Variants in ERC2 observed in about 807,000 individuals in gnomAD.
ERC2 encodes ERC protein 2.
Under a neutral mutation model 114.8 loss-of-function variants are expected in ERC2, and 42 were observed. The ratio of observed to expected loss-of-function variants is 0.37; its 90% CI spans 0.29 to 0.47. The LOEUF (loss-of-function observed/expected upper bound fraction) is 0.47, where lower values mean the gene tolerates loss of function less well. Ranked by LOEUF, ERC2 falls within the 20% of genes least tolerant of loss-of-function variation. The probability of loss-of-function intolerance (pLI) is 0.99; values close to 1 mark genes in which losing one functional copy is unlikely to be tolerated. For missense variants in ERC2, 939 were observed against 1,150.7 expected (o/e 0.82, Z 2.66); for synonymous variants, 454 against 425.5 (o/e 1.07, Z -0.82).
chr3:56,067,045 T>C (rs1485781505), intron 7 of ERC2, among the ~76,000 whole-genome samples: 2 of 152,248 alleles, frequency 1.3e-5, no homozygotes, highest in African/African-American at 4.8e-5. Flanking sequence ...TGGGCTCTTT[T>C]ATGGTTCCAG....
rs2049486408 is a variant in ERC2 at position 56,216,529 on chromosome 3, A to G, written c.1075-43009T>C. 2.0e-5 allele frequency among the ~76,000 whole-genome samples: 3 copies of G among 152,226 alleles called. No homozygotes were observed. In the South Asian group the frequency reaches 6.2e-4, roughly 31 times the overall value. Reference sequence around the variant, plus strand: ...GCTTACCAACCAAAAACAGTCCAGAACCAGACAGATTCACAGCCGAATTCT... The same window carrying G: ...GCTTACCAACCAAAAACAGTCCAGAGCCAGACAGATTCACAGCCGAATTCT... On this transcript the variant is annotated intron_variant, in intron 3 of 17. Transcript: ENST00000288221.
chr3:55,995,933 T>C (rs2071473780), intron 10 of ERC2, among the ~76,000 whole-genome samples: 2 of 152,204 alleles, frequency 1.3e-5, no homozygotes, highest in African/African-American at 2.4e-5. Context: ...ACTTTATTTG[T>C]ATTTAGGCAA....
intron 3 of ERC2, among the ~76,000 whole-genome samples, chr3:56,236,494 A>ATTTT (rs758530613): frequency 1.8e-4 from 28 of 152,232 alleles, no homozygotes; most frequent in Non-Finnish European, 3.1e-4. Context: ...AGATTGACTT[A>ATTTT]TTTGTAGAGG....
chr3:56,173,708 C>T (rs2082811213), intron 3 of ERC2, 188 bp from the exon 4 acceptor site: 2 of 555,814 alleles, frequency 3.6e-6, no homozygotes, highest in Non-Finnish European at 3.1e-6. Context: ...CGGTGAAAAG[C>T]TCCTGGCACA....
chr3:56,446,629 CT>C (rs71099637), intron 1 of ERC2, among the ~76,000 whole-genome samples: 10 of 132,086 alleles, frequency 7.6e-5, no homozygotes, highest in Admixed American at 1.6e-4. Context: ...TTTTTTCTTT[CT>C]TTTTTTTTTT....
At chr3:55,601,280 A>G (rs2058390958) in intron 17 of ERC2, among the ~76,000 whole-genome samples, 2 of 152,224 alleles carry the variant, frequency 1.3e-5, no homozygotes, top group African/African-American at 4.8e-5. Context: ...ATCTAGGCAG[A>G]ACTGGCTTAT....
chr3:56,033,821 G>A lies in ERC2; in HGVS notation c.1642-14790C>T, dbSNP rs185262994. Among the ~76,000 whole-genome samples, 32 of 151,882 alleles carry A rather than the reference G, an allele frequency of 2.1e-4. No homozygotes were observed. The East Asian group carries it at 4.8e-3, about 23-fold the overall frequency. ...TTTTCTTTTTTCTTTTCAAAGGCAG[G>A]GTCTTGCTCTGCCACCCAGGTTGGA... On this transcript the variant is annotated intron_variant, in intron 7 of 17. Coordinates refer to ENST00000288221, the MANE Select transcript of ERC2 (RefSeq NM_015576.3).
chr3:55,518,523 GTTTAAA>G (rs1334199475), intron 17 of ERC2, among the ~76,000 whole-genome samples: 1 of 152,204 alleles, frequency 6.6e-6, no homozygotes, highest in Non-Finnish European at 1.5e-5. Flanking sequence ...GTGAAATCTA[GTTTAAA>G]TTTATAGCAT....
At chr3:56,238,272 C>G (rs546653830) in intron 3 of ERC2, among the ~76,000 whole-genome samples, 1 of 152,296 alleles carries the variant, frequency 6.6e-6, no homozygotes, top group African/African-American at 2.4e-5. Flanking sequence ...CCTTGGAAAC[C>G]AAGACGAAAT....
At chr3:55,792,218 G>A (rs548379617) in intron 14 of ERC2, among the ~76,000 whole-genome samples, 1 of 152,172 alleles carries the variant, frequency 6.6e-6, no homozygotes, top group East Asian at 1.9e-4. Context: ...CAATCTTTGA[G>A]GTTAAGACTG....
At chr3:55,901,903 C>G (rs1483829428) in intron 13 of ERC2, among the ~76,000 whole-genome samples, 2 of 152,224 alleles carry the variant, frequency 1.3e-5, no homozygotes, top group Non-Finnish European at 2.9e-5. Context: ...GAATCAGTGA[C>G]TTGATACCGA....
At chr3:55,613,310 A>T (rs1214461678) in intron 17 of ERC2, among the ~76,000 whole-genome samples, 1 of 152,202 alleles carries the variant, frequency 6.6e-6, no homozygotes, top group Non-Finnish European at 1.5e-5. Flanking sequence ...GTTAAAGTGG[A>T]TGTAATTGTT....
At chr3:55,967,607 C>A (rs753367326) in intron 12 of ERC2, among the ~76,000 whole-genome samples, 1 of 152,176 alleles carries the variant, frequency 6.6e-6, no homozygotes, top group African/African-American at 2.4e-5. Context: ...TCAACATCTT[C>A]AAAGCCCAAC....
intron 14 of ERC2, among the ~76,000 whole-genome samples, chr3:55,742,185 C>T (rs1262558593): frequency 1.3e-5 from 2 of 151,964 alleles, no homozygotes; most frequent in South Asian, 2.1e-4. Flanking sequence ...TTTTGAGTGT[C>T]GCCTGTGGCT....
intron 2 of ERC2, among the ~76,000 whole-genome samples, chr3:56,375,023 A>G (rs2059487708): frequency 6.6e-6 from 1 of 152,192 alleles, no homozygotes; most frequent in African/African-American, 2.4e-5. Flanking sequence ...GAGATGGATG[A>G]GAGCAGCCAT....
chr3:55,595,361 T>G (rs554373741), intron 17 of ERC2, among the ~76,000 whole-genome samples: 26 of 152,376 alleles, frequency 1.7e-4, no homozygotes, highest in African/African-American at 6.0e-4. Flanking sequence ...TAATGGACTT[T>G]GCAGGACTAT....
intron 5 of ERC2, among the ~76,000 whole-genome samples, chr3:56,142,882 T>C (rs868441859): frequency 1.1e-4 from 16 of 152,206 alleles, no homozygotes; most frequent in East Asian, 1.9e-4. Flanking sequence ...TTAAGGCTTA[T>C]GTGGTCCTTT....
intron 2 of ERC2, among the ~76,000 whole-genome samples, chr3:56,432,740 T>C (rs1235337628): frequency 6.6e-6 from 1 of 152,206 alleles, no homozygotes; most frequent in Non-Finnish European, 1.5e-5. Context: ...GGCAGAGCAC[T>C]TCGTTAGACC....
intron 14 of ERC2, among the ~76,000 whole-genome samples, chr3:55,839,962 G>A (rs533898325): frequency 6.6e-6 from 1 of 151,906 alleles, no homozygotes; most frequent in South Asian, 2.1e-4. Flanking sequence ...TAAATATAAA[G>A]ACAGAAATAG....
Sources: allele counts gnomAD v4.1 joint callset (sites outside exome capture counted in the v4.1 genomes callset), GRCh38; gene constraint gnomAD v4.1.1; transcripts MANE v1.5; gene names NCBI Gene and HGNC (gene_info 2026-07-23, HGNC 2026-07-21).